ZNF365: variants seen among roughly 807,000 people sequenced by gnomAD.
ZNF365 encodes protein ZNF365.
In ZNF365, 22 loss-of-function variants were observed where a neutral mutation model predicts 35.0. That is an observed-to-expected ratio of 0.63 (90% CI 0.45 to 0.90). The LOEUF is 0.90. Among genes scored for constraint, ZNF365 ranks in the 40% least tolerant of loss-of-function variants. The pLI is 0.00. For synonymous variants in ZNF365, 188 were observed against 196.2 expected, an observed-to-expected ratio of 0.96 and a Z score of 0.35; for missense variants, 448 against 500.3, an observed-to-expected ratio of 0.90 and a Z score of 1.00.
At chr10:62,427,680 C>T (rs766764989) in intron 3 of ZNF365, among the ~76,000 whole-genome samples, 14 of 152,140 alleles carry the variant, frequency 9.2e-5, no homozygotes, top group Non-Finnish European at 1.8e-4. Flanking sequence ...CATTGCTTCA[C>T]GGTGTTACCC....
chr10:62,461,841 C>A (rs1237768845), intron 4 of ZNF365, among the ~76,000 whole-genome samples: 1 of 152,196 alleles, frequency 6.6e-6, no homozygotes, highest in Non-Finnish European at 1.5e-5. Context: ...CCTAAAATAT[C>A]TGCATTCTCT....
intron 2 of ZNF365, among the ~76,000 whole-genome samples, chr10:62,381,896 C>T (rs982608417): frequency 6.6e-5 from 10 of 152,164 alleles, no homozygotes; most frequent in Non-Finnish European, 8.8e-5. Context: ...CTCGTTCCAG[C>T]CTAAAGCCAT....
Position 62,400,531 on chromosome 10 carries a change from G to A in ZNF365, c.*742G>A. ...CATGCTGCCAGCCTCTATCTTAATA[G>A]CTGCTTCTGTGGATATGGCTGGGGA... On this transcript the variant is annotated 3_prime_UTR_variant, in exon 5 of 5. Coordinates refer to ENST00000395254, the MANE Select transcript of ZNF365 (RefSeq NM_014951.3). 1 of 986,008 alleles carries A rather than the reference G, an allele frequency of 1.0e-6. No individual in the cohort carries two copies. Among genetic ancestry groups the A allele is most frequent in the Non-Finnish European group, 1.2e-6 (1 of 829,956 alleles). The allele number at this position is 986,008 out of a possible 1,614,324, so 61.1% of individuals were successfully genotyped here.
In ZNF365 at chr10:62,401,899, ATTTG is replaced by A. The variant is rs1437523092; in HGVS notation, c.*2114_*2117del. 4 of 985,184 alleles carry A rather than the reference ATTTG, an allele frequency of 4.1e-6. No individual in the cohort carries two copies. The African/African-American group carries it at 5.2e-5, about 13-fold the overall frequency. 61.0% of individuals were successfully genotyped at this position (985,184 alleles called of 1,614,324 possible). A position where few individuals can be genotyped will look rare whatever the true frequency, so the allele number is the denominator to read the frequency against. On this transcript the variant is annotated 3_prime_UTR_variant, in exon 5 of 5. Transcript: ENST00000395254. ...ATTTCACAAGACGAATTATTTTGAG[ATTTG>A]TTTATTATATTAAAATGTTTTTTTA... is the stretch of plus-strand genomic sequence containing the variant.
chr10:62,424,871 G>A (rs1361664518), intron 3 of ZNF365, among the ~76,000 whole-genome samples: 6 of 152,170 alleles, frequency 3.9e-5, no homozygotes, highest in Non-Finnish European at 8.8e-5. Flanking sequence ...GATGGAAAAC[G>A]TTTTTGCTGG....
In ZNF365 at chr10:62,408,872, T is replaced by C. The variant is rs1839943327; in HGVS notation, c.924+20296T>C. On this transcript the variant is annotated intron_variant, in intron 3 of 4. Coordinates refer to the ZNF365 transcript ENST00000395255. ...CTTCATGCAATTGCTTTGCTTTGCT[T>C]CTTAGCGTCCTATGTTTTTATTCCC... Among the ~76,000 whole-genome samples the C allele has an allele frequency of 2.6e-5, 4 of 152,180 alleles. No individual in the cohort carries two copies. In the South Asian group the frequency reaches 8.3e-4, roughly 31 times the overall value.
At chr10:62,478,580 G>C (rs1402773075) in intron 4 of ZNF365, among the ~76,000 whole-genome samples, 1 of 152,128 alleles carries the variant, frequency 6.6e-6, no homozygotes, top group Non-Finnish European at 1.5e-5. Flanking sequence ...TTTGTTTGTT[G>C]TTTGTTTTTT....
At chr10:62,430,956 T>C (rs1332552623) in intron 3 of ZNF365, among the ~76,000 whole-genome samples, 1 of 152,228 alleles carries the variant, frequency 6.6e-6, no homozygotes, top group African/African-American at 2.4e-5. Flanking sequence ...AATCTAATAC[T>C]ATCATTTTGT....
intron 3 of ZNF365, among the ~76,000 whole-genome samples, chr10:62,458,990 GT>G: frequency 6.6e-6 from 1 of 152,288 alleles, no homozygotes. Context: ...ATAAGAGTGG[GT>G]AAATGACCCA....
At chr10:62,422,824 C>T (rs1840193489) in intron 3 of ZNF365, among the ~76,000 whole-genome samples, 1 of 152,066 alleles carries the variant, frequency 6.6e-6, no homozygotes, top group African/African-American at 2.4e-5. Flanking sequence ...GAAAAGAAAA[C>T]TGCATATGAG....
intron 3 of ZNF365, among the ~76,000 whole-genome samples, chr10:62,415,689 C>G (rs1056299306): frequency 6.6e-6 from 1 of 152,158 alleles, no homozygotes; most frequent in Admixed American, 6.6e-5. Context: ...GCCCTCACAT[C>G]TTCTGAAATT....
intron 3 of ZNF365, among the ~76,000 whole-genome samples, chr10:62,395,201 G>A (rs1299403007): frequency 6.6e-6 from 1 of 152,078 alleles, no homozygotes; most frequent in Non-Finnish European, 1.5e-5. Context: ...TGTCTCTATA[G>A]CCACAGATAC....
chr10:62,428,735 C>G (rs1840289027), intron 3 of ZNF365, among the ~76,000 whole-genome samples: 2 of 152,158 alleles, frequency 1.3e-5, no homozygotes, highest in South Asian at 4.1e-4. Flanking sequence ...ATTCAATTAA[C>G]AACCCCATAC....
At chr10:62,454,631 G>GT (rs143402544) in intron 3 of ZNF365, among the ~76,000 whole-genome samples, 5,466 of 149,558 alleles carry the variant, frequency 0.037, 297 homozygotes, top group African/African-American at 0.12. Flanking sequence ...TGTGCTTCAT[G>GT]TTTTTTTTTC....
intron 3 of ZNF365, among the ~76,000 whole-genome samples, chr10:62,442,384 A>G (rs1300128048): frequency 1.3e-5 from 2 of 152,232 alleles, no homozygotes; most frequent in Non-Finnish European, 2.9e-5. Flanking sequence ...ACTCACAACT[A>G]TAGAACAGAT....
chr10:62,405,246 G>A (rs1219846770), downstream of ZNF365, among the ~76,000 whole-genome samples: 1 of 152,198 alleles, frequency 6.6e-6, no homozygotes, highest in Non-Finnish European at 1.5e-5. Flanking sequence ...GATGGTGTGT[G>A]TCATGTCAGG....
At chr10:62,461,260 C>G (rs947412744) in intron 4 of ZNF365, among the ~76,000 whole-genome samples, 1 of 152,242 alleles carries the variant, frequency 6.6e-6, no homozygotes, top group African/African-American at 2.4e-5. Context: ...CGTTCTATCA[C>G]ACGTGGGCCA....
At chr10:62,454,635 T>G in intron 3 of ZNF365, among the ~76,000 whole-genome samples, 1 of 152,134 alleles carries the variant, frequency 6.6e-6, no homozygotes. Context: ...CTTCATGTTT[T>G]TTTTTCTTTG....
At chr10:62,425,698 A>G (rs1205169139) in intron 3 of ZNF365, among the ~76,000 whole-genome samples, 1 of 152,160 alleles carries the variant, frequency 6.6e-6, no homozygotes, top group Non-Finnish European at 1.5e-5. Context: ...TTCACACTGC[A>G]CACTCGGCAT....
Sources: gnomAD v4.1 joint callset for allele counts (sites outside exome capture counted in the v4.1 genomes callset) on GRCh38, gnomAD v4.1.1 for gene constraint, MANE v1.5 for transcripts, NCBI Gene and HGNC (gene_info 2026-07-23, HGNC 2026-07-21) for gene names.